Variants in RAB8B observed in about 807,000 individuals in gnomAD.
RAB8B encodes the protein RAB8B, member RAS oncogene family.
RAB8B carries 11 observed loss-of-function variants against 32.0 expected under a neutral mutation model. The observed-to-expected ratio is 0.34, with a 90% CI of 0.22 to 0.57. The LOEUF (loss-of-function observed/expected upper bound fraction) is 0.57, where lower values mean the gene tolerates loss of function less well. Among genes scored for constraint, RAB8B ranks in the 20% least tolerant of loss-of-function variants. The pLI is 0.86. For missense variants in RAB8B, 190 were observed against 258.5 expected (o/e 0.73, Z 1.82); for synonymous variants, 103 against 89.6 (o/e 1.15, Z -0.85).
At chr15:63,193,630 T>A (rs2037576507) in intron 1 of RAB8B, among the ~76,000 whole-genome samples, 1 of 151,904 alleles carries the variant, frequency 6.6e-6, no homozygotes, top group Non-Finnish European at 1.5e-5. Flanking sequence ...GCTAATACGG[T>A]GAACCCCGTC....
At chr15:63,220,991 A>T (rs2037839848) in intron 1 of RAB8B, among the ~76,000 whole-genome samples, 1 of 152,230 alleles carries the variant, frequency 6.6e-6, no homozygotes, top group Admixed American at 6.5e-5. Flanking sequence ...GCATAATGAT[A>T]TGCATTCTAA....
intron 1 of RAB8B, among the ~76,000 whole-genome samples, chr15:63,229,401 C>G (rs2141126931): frequency 6.6e-6 from 1 of 152,196 alleles, no homozygotes; most frequent in East Asian, 1.9e-4. Context: ...TGATGATGAC[C>G]TGTTTAAAAA....
intron 2 of RAB8B, among the ~76,000 whole-genome samples, chr15:63,245,819 T>C (rs540347930): frequency 5.3e-5 from 8 of 152,370 alleles, no homozygotes; most frequent in Non-Finnish European, 1.0e-4. Flanking sequence ...AATTCATTTA[T>C]GTTTCATATA....
At chr15:63,195,448 G>A (rs1022819516) in intron 1 of RAB8B, among the ~76,000 whole-genome samples, 1 of 152,248 alleles carries the variant, frequency 6.6e-6, no homozygotes, top group African/African-American at 2.4e-5. Context: ...CAGGCAGCAA[G>A]TCAGGGAGGA....
chr15:63,262,624 T>TATATATATATATATATACATATATATA lies in RAB8B; in HGVS notation c.481-68_481-67insATATATATATATATATACATATATATA, dbSNP rs1404282043. The stretch of plus-strand genomic sequence containing the variant: ...CTGAGGCGGGGGGAATATATATATG[T>TATATATATATATATATACATATATATA]GTATATATATATATATACATATATA... On this transcript the variant is annotated intron_variant, in intron 6 of 7. Transcript: ENST00000321437. The TATATATATATATATATACATATATATA allele has an allele frequency of 1.6e-5, 6 of 367,492 alleles. No individual in the cohort carries two copies. The African/African-American group carries it at 2.4e-4, about 15-fold the overall frequency. The allele number at this position is 367,492 out of a possible 1,614,324, so 22.8% of individuals were successfully genotyped here. A position where few individuals can be genotyped will look rare whatever the true frequency, so the allele number is the denominator to read the frequency against.
At chr15:63,260,887 C>G (rs529951571) in intron 6 of RAB8B, among the ~76,000 whole-genome samples, 5 of 152,180 alleles carry the variant, frequency 3.3e-5, no homozygotes, top group African/African-American at 1.2e-4. Context: ...GGTTAAAAAT[C>G]GAGACCTACA....
chr15:63,202,564 C>CT (rs1236403351), intron 1 of RAB8B, among the ~76,000 whole-genome samples: 1 of 152,186 alleles, frequency 6.6e-6, no homozygotes, highest in Non-Finnish European at 1.5e-5. Context: ...GAAAAGGAAA[C>CT]TAATTGTATC....
At chr15:63,262,602 A>G in intron 6 of RAB8B, 90 bp from the exon 7 acceptor site, 2 of 420,936 alleles carry the variant, frequency 4.8e-6, no homozygotes, top group Non-Finnish European at 3.6e-6. Context: ...CCCATCTCTG[A>G]GGCGGGGGGA....
rs752891283 is a variant in RAB8B, at chr15:63,233,055, C to CTTT, written c.125-11692_125-11690dup. On this transcript the variant is annotated intron_variant, in intron 1 of 7. Transcript: ENST00000321437. ...CTTTTTTTTCAATCTAAGTAGCATT[C>CTTT]TTTTTTTTTTTCTTTTTTGTTGAGA... 3.4e-4 allele frequency among the ~76,000 whole-genome samples: 48 copies of CTTT among 141,554 alleles called. 4 individuals carry two copies. Among genetic ancestry groups the CTTT allele is most frequent in the Non-Finnish European group, 4.7e-4 (31 of 65,642 alleles). The allele number at this position is 141,554 out of a possible 152,430, so 92.9% of individuals were successfully genotyped here.
At chr15:63,250,432 G>C (rs2038108540) in intron 3 of RAB8B, among the ~76,000 whole-genome samples, 1 of 152,006 alleles carries the variant, frequency 6.6e-6, no homozygotes, top group South Asian at 2.1e-4. Flanking sequence ...TCATCTCCCT[G>C]TCATCCCCCT....
chr15:63,203,154 G>C (rs1281333980), intron 1 of RAB8B, among the ~76,000 whole-genome samples: 1 of 152,166 alleles, frequency 6.6e-6, no homozygotes. Context: ...AACTTCCTGG[G>C]CTTTTATTTC....
chr15:63,237,960 A>G (rs2037996847), intron 1 of RAB8B, among the ~76,000 whole-genome samples: 1 of 152,104 alleles, frequency 6.6e-6, no homozygotes, highest in Non-Finnish European at 1.5e-5. Flanking sequence ...ACAGATACCC[A>G]GTTTTCCCAG....
intron 1 of RAB8B, among the ~76,000 whole-genome samples, chr15:63,216,732 C>T (rs1475682738): frequency 1.3e-5 from 2 of 151,850 alleles, no homozygotes; most frequent in African/African-American, 4.8e-5. Context: ...TGGTGGTGTG[C>T]ACCTGTAGTC....
At chr15:63,236,287 C>T (rs1432693239) in intron 1 of RAB8B, among the ~76,000 whole-genome samples, 3 of 152,068 alleles carry the variant, frequency 2.0e-5, no homozygotes, top group Non-Finnish European at 2.9e-5. Flanking sequence ...TTGAGTCATT[C>T]CCTTGGGAAT....
rs74343720 is a variant in RAB8B at position 63,246,761 on chromosome 15, G to A, written c.185+1945G>A. On this transcript the variant is annotated intron_variant, in intron 2 of 7. Transcript: ENST00000321437. ...AGCCCCTCTCCCTTCTCCAGAGGTC[G>A]AATGGTAGGACTGAAAGTTCCAGCC... Among the ~76,000 whole-genome samples, 8 of 152,250 alleles carry A rather than the reference G, an allele frequency of 5.3e-5. No homozygotes were observed. In the South Asian group the frequency reaches 6.2e-4, roughly 12 times the overall value.
Position 63,190,549 on chromosome 15 carries a change from G to A in RAB8B, c.124+801G>A, listed in dbSNP as rs538835430. On this transcript the variant is annotated intron_variant, in intron 1 of 7. Transcript: ENST00000321437. Reference sequence around the variant, plus strand: ...GTAGTGGGGCGCAAGACTTGCTATAGTAACTGATTACCATTTTCTCTTCAC... The same window carrying A: ...GTAGTGGGGCGCAAGACTTGCTATAATAACTGATTACCATTTTCTCTTCAC... Among the ~76,000 whole-genome samples the A allele has an allele frequency of 1.6e-3, 249 of 152,346 alleles. 1 individual carries two copies. The highest frequency in any genetic ancestry group is 2.5e-3 in the Non-Finnish European group (172 of 68,030).
At chr15:63,223,856 C>A in intron 1 of RAB8B, 1 of 434,240 alleles carries the variant, frequency 2.3e-6, no homozygotes, top group Admixed American at 2.6e-5. Flanking sequence ...AGTGCGGCCT[C>A]ACATAGAGGA....
At chr15:63,238,043 T>C (rs575194640) in intron 1 of RAB8B, among the ~76,000 whole-genome samples, 11 of 152,250 alleles carry the variant, frequency 7.2e-5, no homozygotes, top group African/African-American at 2.2e-4. Flanking sequence ...GAGTTCACTG[T>C]AGATATATAG....
intron 1 of RAB8B, among the ~76,000 whole-genome samples, chr15:63,240,298 A>G (rs2038021589): frequency 6.6e-6 from 1 of 152,216 alleles, no homozygotes; most frequent in Admixed American, 6.5e-5. Flanking sequence ...CCATGCATGA[A>G]GTGACAAGAG....
Sources: gnomAD v4.1 joint callset for allele counts (sites outside exome capture counted in the v4.1 genomes callset) on GRCh38, gnomAD v4.1.1 for gene constraint, MANE v1.5 for transcripts, NCBI Gene and HGNC (gene_info 2026-07-23, HGNC 2026-07-21) for gene names.